Variants in ATP6V1A observed in about 807,000 individuals in gnomAD.
ATP6V1A encodes V-type proton ATPase catalytic subunit A.
Under a neutral mutation model 70.1 loss-of-function variants are expected in ATP6V1A, and 18 were observed. The ratio of observed to expected loss-of-function variants is 0.26; its 90% CI spans 0.18 to 0.38. ATP6V1A has a LOEUF of 0.38. ATP6V1A is among the 10% of genes least tolerant of loss of function. The pLI, the probability that ATP6V1A is intolerant of heterozygous loss-of-function variation, is 1.00. For synonymous variants in ATP6V1A, 232 were observed against 253.8 expected, an observed-to-expected ratio of 0.91 and a Z score of 0.82; for missense variants, 424 against 772.4, an observed-to-expected ratio of 0.55 and a Z score of 5.35.
At chr3:113,757,378 A>G (rs1420243873) in intron 1 of ATP6V1A, among the ~76,000 whole-genome samples, 2 of 152,228 alleles carry the variant, frequency 1.3e-5, no homozygotes, top group African/African-American at 2.4e-5. Flanking sequence ...ATAAAGCAAC[A>G]GAAAATAACT....
At chr3:113,753,693 CTT>C (rs11375661) in intron 1 of ATP6V1A, among the ~76,000 whole-genome samples, 5 of 141,072 alleles carry the variant, frequency 3.5e-5, no homozygotes, top group Non-Finnish European at 3.1e-5. Flanking sequence ...TATCATGTGT[CTT>C]TTTTTTTTTT....
intron 13 of ATP6V1A, among the ~76,000 whole-genome samples, chr3:113,804,157 A>ATT (rs761414902): frequency 2.2e-3 from 312 of 141,012 alleles, no homozygotes; most frequent in African/African-American, 7.8e-3. Context: ...TGCCCAGCTA[A>ATT]TTTTTTTTTT....
At chr3:113,759,591 C>G (rs1708679707) in intron 1 of ATP6V1A, among the ~76,000 whole-genome samples, 1 of 151,730 alleles carries the variant, frequency 6.6e-6, no homozygotes, top group Non-Finnish European at 1.5e-5. Context: ...TAAATTGAAT[C>G]TAATTTAATA....
intron 1 of ATP6V1A, among the ~76,000 whole-genome samples, chr3:113,748,125 T>C (rs1273258689): frequency 6.6e-6 from 1 of 152,198 alleles, no homozygotes; most frequent in South Asian, 2.1e-4. Context: ...TATCCCTCTT[T>C]AGCTTTCCCC....
rs529192286 is a variant in ATP6V1A at position 113,811,743 on chromosome 3, A to C, written c.*2316A>C. 2.4e-4 allele frequency: 36 copies of C among 152,756 alleles called. No individual in the cohort carries two copies. Among genetic ancestry groups the C allele is most frequent in the African/African-American group, 7.9e-4 (33 of 41,578 alleles). The allele number at this position is 152,756 out of a possible 1,614,324, so 9.5% of individuals were successfully genotyped here. ...CCCTTCACCTGTTACAGAGTTTCAGATCGGTCACTGATAGTATGTATTTCT... is the reference window on the plus strand; with the variant it reads ...CCCTTCACCTGTTACAGAGTTTCAGCTCGGTCACTGATAGTATGTATTTCT... On this transcript the variant is annotated 3_prime_UTR_variant, in exon 15 of 15. Transcript: ENST00000273398.
At chr3:113,771,468 C>T (rs1360828060) in intron 1 of ATP6V1A, among the ~76,000 whole-genome samples, 8 of 132,294 alleles carry the variant, frequency 6.0e-5, no homozygotes, top group South Asian at 2.5e-4. Context: ...GACGGAGTCT[C>T]GCTCTGTCGC....
chr3:113,763,711 T>G (rs139989632), intron 1 of ATP6V1A, among the ~76,000 whole-genome samples: 1,597 of 152,340 alleles, frequency 0.01, 30 homozygotes, highest in Admixed American at 0.036. Context: ...TTAACAGCTC[T>G]GAAATTAGTG....
chr3:113,777,785 T>C (rs757938041), intron 1 of ATP6V1A, among the ~76,000 whole-genome samples: 2 of 152,124 alleles, frequency 1.3e-5, no homozygotes, highest in Non-Finnish European at 2.9e-5. Flanking sequence ...TAGGAGCAGA[T>C]ACCTTGGAGA....
intron 12 of ATP6V1A, among the ~76,000 whole-genome samples, chr3:113,801,932 AC>A (rs758202524): frequency 0.028 from 4,229 of 150,214 alleles, 105 homozygotes; most frequent in Non-Finnish European, 0.041. Context: ...AAAAAAAAAA[AC>A]AAAACTGGAG....
chr3:113,768,508 G>T (rs1223066950), intron 1 of ATP6V1A, among the ~76,000 whole-genome samples: 2 of 151,748 alleles, frequency 1.3e-5, no homozygotes, highest in African/African-American at 2.4e-5. Flanking sequence ...CTCCCTCAAG[G>T]TCCTAATATG....
intron 1 of ATP6V1A, among the ~76,000 whole-genome samples, chr3:113,767,755 A>G (rs1232817344): frequency 2.6e-5 from 4 of 152,056 alleles, no homozygotes; most frequent in Non-Finnish European, 4.4e-5. Flanking sequence ...GGGTTCAAGC[A>G]ATTCTCTGCC....
At position 113,760,698 on chromosome 3, in the gene ATP6V1A, C is replaced by G. The variant is rs1708693681; in HGVS notation, c.-14+13585C>G. ...GAGCCGAGATCGCACCATTGCACTC[C>G]AGCCTGGGCAACAATAAGACTCCAT... On this transcript the variant is annotated intron_variant, in intron 1 of 14. Transcript: ENST00000273398. 2.0e-5 allele frequency among the ~76,000 whole-genome samples: 3 copies of G among 152,078 alleles called. No individual in the cohort carries two copies. The South Asian group carries it at 6.2e-4, about 31-fold the overall frequency.
chr3:113,751,157 A>G (rs956923983), intron 1 of ATP6V1A, among the ~76,000 whole-genome samples: 3 of 152,154 alleles, frequency 2.0e-5, no homozygotes, highest in African/African-American at 7.2e-5. Flanking sequence ...TTTTGAGTTA[A>G]TGCTTATAAG....
intron 3 of ATP6V1A, among the ~76,000 whole-genome samples, chr3:113,783,513 A>AG (rs1321639418): frequency 3.3e-5 from 5 of 152,212 alleles, no homozygotes; most frequent in Non-Finnish European, 2.9e-5. Flanking sequence ...GATATTCCTC[A>AG]GCAGCATATG....
rs1467872509 is a variant in ATP6V1A, at chr3:113,788,740, C to A, written c.744C>A (p.Ile248=). 2.5e-6 allele frequency: 4 copies of A among 1,613,866 alleles called. No individual in the cohort carries two copies. In the Admixed American group the frequency reaches 6.7e-5, roughly 27 times the overall value. ...FPCVQGGTTA[I]PGAFGCGKTV... Reference sequence around the variant, plus strand: ...GTGTCCAGGGAGGAACTACTGCTATCCCTGGAGCCTTTGGCTGTGGAAAGA... The same window carrying A: ...GTGTCCAGGGAGGAACTACTGCTATACCTGGAGCCTTTGGCTGTGGAAAGA... The change falls in exon 7 of 15, where the codon ATC becomes ATA. Residue 248 remains isoleucine, a synonymous_variant. Transcript: ENST00000273398.
chr3:113,764,773 A>G (rs1708749947), intron 1 of ATP6V1A, among the ~76,000 whole-genome samples: 1 of 152,118 alleles, frequency 6.6e-6, no homozygotes, highest in Admixed American at 6.6e-5. Context: ...ATCAAGTTTA[A>G]GAAATAAAAA....
chr3:113,806,418 C>A (rs1354039781), intron 14 of ATP6V1A, among the ~76,000 whole-genome samples: 1 of 152,042 alleles, frequency 6.6e-6, no homozygotes, highest in Non-Finnish European at 1.5e-5. Context: ...ATGACATCTT[C>A]TCTGTTTACT....
At chr3:113,784,492 T>C in intron 4 of ATP6V1A, 54 bp downstream of exon 4, 1 of 1,515,508 alleles carries the variant, frequency 6.6e-7, no homozygotes, top group Non-Finnish European at 9.1e-7. Flanking sequence ...ATAAAATGAA[T>C]GTTTAGTAAA....
chr3:113,763,684 A>G (rs547824326), intron 1 of ATP6V1A, among the ~76,000 whole-genome samples: 59 of 152,168 alleles, frequency 3.9e-4, no homozygotes, highest in African/African-American at 1.2e-3. Flanking sequence ...TTTCTAGGAC[A>G]TTTTTCTCCC....
Sources: gnomAD v4.1 joint callset for allele counts (sites outside exome capture counted in the v4.1 genomes callset) on GRCh38, gnomAD v4.1.1 for gene constraint, MANE v1.5 for transcripts, NCBI Gene and HGNC (gene_info 2026-07-23, HGNC 2026-07-21) for gene names.